LRRK2: variants seen among roughly 807,000 people sequenced by gnomAD.
The protein encoded by LRRK2 is leucine-rich repeat serine/threonine-protein kinase 2.
A neutral mutation model predicts 302.6 loss-of-function variants in LRRK2; 203 were observed. The ratio of observed to expected loss-of-function variants is 0.67; its 90% CI spans 0.60 to 0.75. LRRK2 has a LOEUF of 0.75. Among genes scored for constraint, LRRK2 ranks in the 30% least tolerant of loss-of-function variants. The pLI is 0.00. For missense variants in LRRK2, 2,830 were observed against 2,951.0 expected (o/e 0.96, Z 0.95); for synonymous variants, 1,066 against 1,031.9 (o/e 1.03, Z -0.63).
At chr12:40,362,860 G>A (rs542180435) in intron 47 of LRRK2, among the ~76,000 whole-genome samples, 2 of 152,136 alleles carry the variant, frequency 1.3e-5, no homozygotes, top group South Asian at 2.1e-4. Flanking sequence ...TTCTGTTTAT[G>A]TTTGGATGAT....
Position 40,258,543 on chromosome 12 carries a change from C to T in LRRK2, c.1419-937C>T, listed in dbSNP as rs17519657. Among the ~76,000 whole-genome samples the T allele has an allele frequency of 4.0e-3, 613 of 152,250 alleles. 5 individuals carry two copies. The highest frequency in any genetic ancestry group is 0.014 in the African/African-American group (575 of 41,530). On this transcript the variant is annotated intron_variant, in intron 12 of 50. Transcript: ENST00000298910. ...TAATGTTTCTCGCTGCATGCTCTTACGTAAAATGTGTACAGTTGCAGCCCT... is the reference window on the plus strand; with the variant it reads ...TAATGTTTCTCGCTGCATGCTCTTATGTAAAATGTGTACAGTTGCAGCCCT...
At chr12:40,239,289 A>G (rs1375324189) in intron 5 of LRRK2, among the ~76,000 whole-genome samples, 1 of 152,212 alleles carries the variant, frequency 6.6e-6, no homozygotes, top group Non-Finnish European at 1.5e-5. Flanking sequence ...TACACCGTGA[A>G]GTAGAAGATA....
In LRRK2 at chr12:40,357,083, C is replaced by T. The variant is rs576760216; in HGVS notation, c.6843+896C>T. 4.6e-5 allele frequency among the ~76,000 whole-genome samples: 7 copies of T among 152,310 alleles called. No homozygotes were observed. In the South Asian group the frequency reaches 1.4e-3, roughly 32 times the overall value. On this transcript the variant is annotated intron_variant, in intron 46 of 50. Transcript: ENST00000298910. ...ACCAGCCTCCCTTCATCCTCCCCTT[C>T]TCCCACACACCCATATCCTCCCAAG...
At chr12:40,312,101 T>C (rs1945055499) in intron 31 of LRRK2, among the ~76,000 whole-genome samples, 1 of 152,088 alleles carries the variant, frequency 6.6e-6, no homozygotes, top group South Asian at 2.1e-4. Flanking sequence ...GAGTTTGTTT[T>C]GAAAAGGCCT....
chr12:40,325,805 G>A (rs1333909594), intron 38 of LRRK2, among the ~76,000 whole-genome samples: 1 of 152,212 alleles, frequency 6.6e-6, no homozygotes, highest in Non-Finnish European at 1.5e-5. Flanking sequence ...CAAGATAGCA[G>A]TAACTATTAT....
intron 44 of LRRK2, among the ~76,000 whole-genome samples, chr12:40,353,609 G>A (rs1302153548): frequency 6.6e-6 from 1 of 152,174 alleles, no homozygotes; most frequent in African/African-American, 2.4e-5. Flanking sequence ...TGCAATCTCG[G>A]CACTTTGGGA....
chr12:40,343,314 G>T (rs1022758216), intron 41 of LRRK2, among the ~76,000 whole-genome samples: 1 of 152,154 alleles, frequency 6.6e-6, no homozygotes, highest in African/African-American at 2.4e-5. Flanking sequence ...TTAATTCTGG[G>T]TCCTATGGCA....
Position 40,340,336 on chromosome 12 carries a change from C to T in LRRK2, c.5991C>T (p.Pro1997=). Residue 1997 remains proline (P), a synonymous_variant, in exon 41 of 51, where the codon CCC becomes CCT. Transcript: ENST00000298910. ...TGATTATATACCGAGACCTGAAACC[C>T]CACAATGTGCTGCTTTTCACACTGT... ...SAMIIYRDLK[P]HNVLLFTLYP... 1 of 1,613,812 alleles carries T rather than the reference C, an allele frequency of 6.2e-7. No homozygotes were observed. The highest frequency in any genetic ancestry group is 1.1e-5 in the South Asian group (1 of 91,070).
intron 28 of LRRK2, among the ~76,000 whole-genome samples, chr12:40,307,399 A>T (rs941547113): frequency 6.6e-6 from 1 of 152,090 alleles, no homozygotes; most frequent in African/African-American, 2.4e-5. Flanking sequence ...TATATTTTTG[A>T]TAACACTTTG....
intron 23 of LRRK2, 111 bp downstream of exon 23, chr12:40,295,755 G>GGGACTTATCACCCA: frequency 1.9e-6 from 2 of 1,026,138 alleles, no homozygotes; most frequent in Non-Finnish European, 2.9e-6. Context: ...TGTGTCACTG[G>GGGACTTATCACCCA]GTGATAAGTC....
chr12:40,243,937 T>C (rs1200352837), intron 7 of LRRK2, among the ~76,000 whole-genome samples: 1 of 152,154 alleles, frequency 6.6e-6, no homozygotes, highest in East Asian at 1.9e-4. Flanking sequence ...ATTATCTTAA[T>C]CTTATTTTTA....
intron 33 of LRRK2, among the ~76,000 whole-genome samples, chr12:40,319,610 C>T (rs2136877712): frequency 6.6e-6 from 1 of 152,134 alleles, no homozygotes; most frequent in South Asian, 2.1e-4. Flanking sequence ...CTATTTCAAA[C>T]CTGTATTGAT....
intron 40 of LRRK2, among the ~76,000 whole-genome samples, chr12:40,336,890 A>G (rs1480034848): frequency 2.0e-5 from 3 of 152,204 alleles, no homozygotes; most frequent in Non-Finnish European, 4.4e-5. Context: ...ACAAATCCCC[A>G]AAGTGTTTAT....
intron 22 of LRRK2, 55 bp downstream of exon 22, chr12:40,294,969 T>C (rs1944324317): frequency 1.9e-6 from 2 of 1,035,144 alleles, no homozygotes; most frequent in Admixed American, 1.9e-5. Flanking sequence ...GAATGCAGTG[T>C]TTGGTTGAAT....
At position 40,287,334 on chromosome 12, in the gene LRRK2, G is replaced by C. The variant is rs758929956; in HGVS notation, c.2501-17G>C. On this transcript the variant is annotated splice_polypyrimidine_tract_variant and intron_variant, in intron 19 of 50. Coordinates refer to ENST00000298910, the MANE Select transcript of LRRK2 (RefSeq NM_198578.4). ...AATTGTTGATTTCTAAGTTGCTGGT[G>C]TATCTCTTATTTTCAGATATAGCAT... 6.3e-7 allele frequency: 1 copy of C among 1,580,724 alleles called. No individual in the cohort carries two copies. Among genetic ancestry groups the C allele is most frequent in the Admixed American group, 1.7e-5 (1 of 57,668 alleles).
At position 40,235,794 on chromosome 12, in the gene LRRK2, T is replaced by TGTG. The variant is rs377568728; in HGVS notation, c.436+80_436+81insGTG. 4 of 220,468 alleles carry TGTG rather than the reference T, an allele frequency of 1.8e-5. No individual in the cohort carries two copies. In the African/African-American group the frequency reaches 3.0e-4, roughly 17 times the overall value. 13.7% of individuals were successfully genotyped at this position (220,468 alleles called of 1,614,324 possible). On this transcript the variant is annotated intron_variant, in intron 4 of 50. Transcript: ENST00000298910. ...CATTAAGTAAATGTGTGTGTGTGTG[T>TGTG]TTTTTTTTTTTTTTTTTTGAAGATC...
Position 40,321,901 on chromosome 12 carries a change from G to C in LRRK2, c.5171-134G>C, listed in dbSNP as rs1017542197. 2.7e-4 allele frequency: 208 copies of C among 783,338 alleles called. No individual in the cohort carries two copies. The East Asian group carries it at 2.9e-3, about 11-fold the overall frequency. The allele number at this position is 783,338 out of a possible 1,614,324, so 48.5% of individuals were successfully genotyped here. Reference sequence around the variant, plus strand: ...AAAATATTTAATAGATATGGATGAGGACTCATATCAGTAACAACCCAATAC... The same window carrying C: ...AAAATATTTAATAGATATGGATGAGCACTCATATCAGTAACAACCCAATAC... On this transcript the variant is annotated intron_variant, in intron 35 of 50. Transcript: ENST00000298910.
intron 5 of LRRK2, among the ~76,000 whole-genome samples, chr12:40,238,360 T>C (rs1941567971): frequency 6.6e-6 from 1 of 152,130 alleles, no homozygotes; most frequent in Admixed American, 6.6e-5. Flanking sequence ...GGCATAAGGT[T>C]TACTTTGAAA....
chr12:40,351,104 A>G (rs1317429727), intron 43 of LRRK2, among the ~76,000 whole-genome samples: 1 of 152,158 alleles, frequency 6.6e-6, no homozygotes, highest in Non-Finnish European at 1.5e-5. Context: ...CAAAAACAGA[A>G]TCTAGAGATG....
Sources: gnomAD v4.1 joint callset for allele counts (sites outside exome capture counted in the v4.1 genomes callset) on GRCh38, gnomAD v4.1.1 for gene constraint, MANE v1.5 for transcripts, NCBI Gene and HGNC (gene_info 2026-07-23, HGNC 2026-07-21) for gene names.